Variants in EYS observed in about 807,000 individuals in gnomAD.
EYS encodes the protein EGF-like photoreceptor maintenance factor, also known as protein eyes shut homolog.
Under a neutral mutation model 282.1 loss-of-function variants are expected in EYS, and 250 were observed. The observed-to-expected ratio is 0.89, with a 90% CI of 0.80 to 0.98. EYS has a LOEUF of 0.98. Ranked by LOEUF, EYS falls within the 50% of genes least tolerant of loss-of-function variation. EYS has a pLI of 0.00. For missense variants in EYS, 4,016 were observed against 3,709.0 expected, an observed-to-expected ratio of 1.08 and a Z score of -2.15; for synonymous variants, 1,355 against 1,282.9, an observed-to-expected ratio of 1.06 and a Z score of -1.20.
intron 33 of EYS, among the ~76,000 whole-genome samples, chr6:64,032,675 C>T (rs1251141052): frequency 6.6e-6 from 1 of 152,078 alleles, no homozygotes; most frequent in African/African-American, 2.4e-5. Context: ...TACACACAGC[C>T]CACCCTTGAT....
At chr6:64,470,539 GGAA>G (rs1312401975) in intron 26 of EYS, among the ~76,000 whole-genome samples, 11 of 151,666 alleles carry the variant, frequency 7.3e-5, no homozygotes, top group African/African-American at 2.2e-4. Flanking sequence ...GGTTTACACT[GGAA>G]GAAGAAGAAT....
At chr6:65,355,291 A>G (rs1454761587) in intron 8 of EYS, among the ~76,000 whole-genome samples, 1 of 106,618 alleles carries the variant, frequency 9.4e-6, no homozygotes, top group African/African-American at 3.4e-5. Context: ...GGTCTACCAA[A>G]ATCTAAGAAA....
Position 64,822,732 on chromosome 6 carries a change from C to G in EYS, c.3083G>C (p.Cys1028Ser), listed in dbSNP as rs1407301072. 2.6e-6 allele frequency: 4 copies of G among 1,549,796 alleles called. No individual in the cohort carries two copies. Among genetic ancestry groups the G allele is most frequent in the Non-Finnish European group, 2.6e-6 (3 of 1,145,996 alleles). Residue 1028 changes from cysteine to serine, a missense_variant, in exon 20 of 43, where the codon TGT (cysteine) becomes TCT (serine). Transcript: ENST00000503581. ...TCCAAAAAACCCACTCTTGCAGTCA[C>G]AGGTATAATGATTGATGCCATCGAT... ...VCIDGINHYT[C>S]DCKSGFFGTH... is the part of the protein sequence containing the mutation.
chr6:65,476,803 T>C (rs1334284461), intron 5 of EYS, among the ~76,000 whole-genome samples: 1 of 152,092 alleles, frequency 6.6e-6, no homozygotes, highest in Non-Finnish European at 1.5e-5. Context: ...TCTCAATCTC[T>C]TGACCTTGTG....
chr6:64,311,971 T>C (rs1769725533), intron 29 of EYS, among the ~76,000 whole-genome samples: 1 of 122,264 alleles, frequency 8.2e-6, no homozygotes, highest in Admixed American at 9.1e-5. Context: ...CTGAGCTAGC[T>C]GCAGAAGGTT....
At chr6:64,697,550 T>G (rs1173632971) in intron 22 of EYS, among the ~76,000 whole-genome samples, 1 of 152,090 alleles carries the variant, frequency 6.6e-6, no homozygotes. Context: ...CTAACAGACA[T>G]TTACAGAACA....
chr6:65,412,645 C>T (rs111407993), intron 5 of EYS, among the ~76,000 whole-genome samples: 105 of 151,946 alleles, frequency 6.9e-4, no homozygotes, highest in Middle Eastern at 3.4e-3. Flanking sequence ...AGTGAATTTT[C>T]TCCTTGTATT....
chr6:64,212,868 A>G (rs1023479052), intron 31 of EYS, among the ~76,000 whole-genome samples: 1 of 152,216 alleles, frequency 6.6e-6, no homozygotes, highest in South Asian at 2.1e-4. Context: ...CTAAATGCCC[A>G]TGAGTGATGG....
chr6:64,456,660 A>G (rs1010841593), intron 26 of EYS, among the ~76,000 whole-genome samples: 8 of 152,032 alleles, frequency 5.3e-5, no homozygotes, highest in Admixed American at 6.6e-5. Flanking sequence ...AATTTCATTT[A>G]TAAAGTGGGT....
intron 30 of EYS, among the ~76,000 whole-genome samples, chr6:64,290,665 CTCT>C (rs1562289775): frequency 6.6e-6 from 1 of 151,798 alleles, no homozygotes; most frequent in Non-Finnish European, 1.5e-5. Flanking sequence ...GCTTAGAGTC[CTCT>C]TCTTCCAGAA....
At chr6:65,397,634 C>A (rs1442057142) in intron 7 of EYS, among the ~76,000 whole-genome samples, 1 of 129,614 alleles carries the variant, frequency 7.7e-6, no homozygotes, top group Non-Finnish European at 1.7e-5. Context: ...GTGTGTGTAT[C>A]ATGTTTTTAA....
At chr6:64,676,011 G>GAT (rs1196302905) in intron 22 of EYS, among the ~76,000 whole-genome samples, 2 of 145,874 alleles carry the variant, frequency 1.4e-5, no homozygotes, top group African/African-American at 2.5e-5. Context: ...TATATATCTA[G>GAT]ATATATATCG....
chr6:63,962,732 C>T (rs1335696685), intron 35 of EYS, among the ~76,000 whole-genome samples: 1 of 152,098 alleles, frequency 6.6e-6, no homozygotes, highest in Non-Finnish European at 1.5e-5. Context: ...CTAGAAATAC[C>T]ATTTGACCCA....
chr6:65,534,177 C>T (rs1767884377), intron 2 of EYS, among the ~76,000 whole-genome samples: 1 of 152,198 alleles, frequency 6.6e-6, no homozygotes, highest in South Asian at 2.1e-4. Flanking sequence ...AGTTCCAAAT[C>T]ACCTTATAGG....
rs1768034429 is a variant in EYS at position 64,912,596 on chromosome 6, T to C, written c.2529A>G (p.Gly843=). 6.4e-7 allele frequency: 1 copy of C among 1,551,172 alleles called. No homozygotes were observed. The highest frequency in any genetic ancestry group is 2.0e-5 in the Admixed American group (1 of 50,950). The change falls in exon 16 of 43, where the codon GGA becomes GGG. Residue 843 remains glycine, a synonymous_variant. Coordinates refer to ENST00000503581, the MANE Select transcript of EYS (RefSeq NM_001142800.2). The stretch of plus-strand genomic sequence containing the variant: ...GGTTATAGCGTTGGTGGCAAAATTG[T>C]CCAGTATAAAGGGGTGGGCACAGAC... ...FVCLCPPLYT[G]QFCHQRYNLC...
intron 33 of EYS, among the ~76,000 whole-genome samples, chr6:64,003,433 A>G (rs1768192388): frequency 6.6e-6 from 1 of 152,202 alleles, no homozygotes; most frequent in South Asian, 2.1e-4. Context: ...TATGCTTTAA[A>G]ATAAATAATA....
chr6:65,679,314 A>G (rs1768737244), intron 1 of EYS, among the ~76,000 whole-genome samples: 1 of 151,910 alleles, frequency 6.6e-6, no homozygotes, highest in Middle Eastern at 3.2e-3. Context: ...ATGTGTGTGC[A>G]TGTGTGTATG....
chr6:64,232,193 A>G (rs1239287786), intron 30 of EYS, among the ~76,000 whole-genome samples: 1 of 152,154 alleles, frequency 6.6e-6, no homozygotes, highest in Admixed American at 6.5e-5. Flanking sequence ...ATTTATTTTC[A>G]TGATTGAGCC....
chr6:64,002,428 C>T (rs1238522179), intron 33 of EYS, among the ~76,000 whole-genome samples: 1 of 152,194 alleles, frequency 6.6e-6, no homozygotes, highest in Non-Finnish European at 1.5e-5. Context: ...GCCCACTGAG[C>T]TGATTAACAC....
Sources: gnomAD v4.1 joint callset for allele counts (sites outside exome capture counted in the v4.1 genomes callset) on GRCh38, gnomAD v4.1.1 for gene constraint, MANE v1.5 for transcripts, NCBI Gene and HGNC (gene_info 2026-07-23, HGNC 2026-07-21) for gene names.